ARB2A: variants seen among roughly 807,000 people sequenced by gnomAD.
The protein encoded by ARB2A is ARB2 cotranscriptional regulator A.
chr5:93,778,617 C>T, the ARB2A span, among the ~76,000 whole-genome samples: 2 of 152,126 alleles, frequency 1.3e-5, no homozygotes, highest in South Asian at 2.1e-4. Flanking sequence ...AGACAGGCAG[C>T]GATTAGGTAC....
At chr5:93,859,921 C>A in the ARB2A span, among the ~76,000 whole-genome samples, 1 of 152,196 alleles carries the variant, frequency 6.6e-6, no homozygotes, top group Non-Finnish European at 1.5e-5. Context: ...AAAGCTGACC[C>A]AACAATTCTA....
chr5:93,710,859 A>C, the ARB2A span, among the ~76,000 whole-genome samples: 1 of 152,218 alleles, frequency 6.6e-6, no homozygotes. Flanking sequence ...ATAAGAAAAA[A>C]AATTAAAAAT....
the ARB2A span, among the ~76,000 whole-genome samples, chr5:94,100,173 G>T: frequency 8.1e-4 from 123 of 152,226 alleles, 1 homozygote; most frequent in Non-Finnish European, 1.5e-3. Flanking sequence ...AATCAAAATG[G>T]CCATCCCATT....
the ARB2A span, among the ~76,000 whole-genome samples, chr5:93,975,810 G>A: frequency 6.6e-6 from 1 of 151,930 alleles, no homozygotes; most frequent in Non-Finnish European, 1.5e-5. Context: ...AAAAGCCCTG[G>A]AACAGATTGA....
the ARB2A span, among the ~76,000 whole-genome samples, chr5:93,763,545 A>C: frequency 6.6e-6 from 1 of 152,222 alleles, no homozygotes; most frequent in Non-Finnish European, 1.5e-5. Context: ...AGATTCATAA[A>C]GCAAGTCCTT....
the ARB2A span, among the ~76,000 whole-genome samples, chr5:93,912,856 C>T: frequency 6.6e-6 from 1 of 151,698 alleles, no homozygotes; most frequent in Admixed American, 6.6e-5. Flanking sequence ...TAATCTGCCA[C>T]ACCTCTAAGA....
chr5:94,053,692 A>C, the ARB2A span, among the ~76,000 whole-genome samples: 2 of 152,298 alleles, frequency 1.3e-5, no homozygotes, highest in African/African-American at 4.8e-5. Context: ...ACTAGCAAAA[A>C]TTATTTCACA....
chr5:93,779,495 T>C, the ARB2A span, among the ~76,000 whole-genome samples: 16 of 152,224 alleles, frequency 1.1e-4, no homozygotes, highest in Middle Eastern at 3.4e-3. Flanking sequence ...GAAAGCCCTA[T>C]CTAAATTCAA....
chr5:93,988,607 C>T, the ARB2A span, among the ~76,000 whole-genome samples: 1 of 152,130 alleles, frequency 6.6e-6, no homozygotes, highest in Admixed American at 6.5e-5. Context: ...TTTTTGACAC[C>T]AGACTTTAAA....
chr5:93,821,041 T>C, the ARB2A span, among the ~76,000 whole-genome samples: 3 of 152,172 alleles, frequency 2.0e-5, no homozygotes, highest in African/African-American at 7.2e-5. Flanking sequence ...TTATAAGATA[T>C]TCTTCAGGAT....
At chr5:93,944,596 G>A in the ARB2A span, among the ~76,000 whole-genome samples, 1 of 148,404 alleles carries the variant, frequency 6.7e-6, no homozygotes, top group African/African-American at 2.5e-5. Flanking sequence ...AAGAGGAGAG[G>A]AGAGGGCAGG....
At chr5:94,066,501 G>A in the ARB2A span, among the ~76,000 whole-genome samples, 1 of 148,850 alleles carries the variant, frequency 6.7e-6, no homozygotes, top group Non-Finnish European at 1.5e-5. Context: ...AATCAGTAAT[G>A]ATAAAGGAAT....
the ARB2A span, among the ~76,000 whole-genome samples, chr5:94,016,711 C>T: frequency 6.6e-6 from 1 of 152,156 alleles, no homozygotes; most frequent in Admixed American, 6.5e-5. Flanking sequence ...CTTAAAATAA[C>T]CTTACTATTA....
chr5:93,689,532 A>G, the ARB2A span, among the ~76,000 whole-genome samples: 1 of 152,216 alleles, frequency 6.6e-6, no homozygotes, highest in African/African-American at 2.4e-5. Context: ...ACTGAGGAAG[A>G]TATTTATCTG....
chr5:93,949,391 T>C, the ARB2A span, among the ~76,000 whole-genome samples: 2 of 151,720 alleles, frequency 1.3e-5, no homozygotes, highest in Non-Finnish European at 2.9e-5. Context: ...TGAAACCCCA[T>C]CTCTACTAAA....
the ARB2A span, chr5:93,881,387 TGAA>T: frequency 2.3e-5 from 24 of 1,031,334 alleles, no homozygotes; most frequent in African/African-American, 2.8e-4. Context: ...TTAATATTCT[TGAA>T]GAAAAACAAA....
chr5:93,948,097 C>T, the ARB2A span, among the ~76,000 whole-genome samples: 3 of 152,148 alleles, frequency 2.0e-5, no homozygotes, highest in African/African-American at 7.2e-5. Flanking sequence ...CACTGACTTC[C>T]ACAAGGGTTG....
chr5:93,700,626 C>T, the ARB2A span, among the ~76,000 whole-genome samples: 2 of 152,006 alleles, frequency 1.3e-5, no homozygotes, highest in Non-Finnish European at 1.5e-5. Flanking sequence ...AAAGAGAGTA[C>T]TACTTATTAT....
the ARB2A span, among the ~76,000 whole-genome samples, chr5:93,948,549 A>T: frequency 6.6e-6 from 1 of 151,848 alleles, no homozygotes; most frequent in Non-Finnish European, 1.5e-5. Context: ...TTTTGTTGCC[A>T]TTGCTTTTGG....
Sources: allele counts gnomAD v4.1 joint callset (sites outside exome capture counted in the v4.1 genomes callset), GRCh38; gene constraint gnomAD v4.1.1; transcripts MANE v1.5; gene names NCBI Gene and HGNC (gene_info 2026-07-23, HGNC 2026-07-21).